Variants in WBP2NL observed in about 807,000 individuals in gnomAD.
WBP2NL encodes postacrosomal sheath WW domain-binding protein.
A neutral mutation model predicts 23.3 loss-of-function variants in WBP2NL; 27 were observed. That is an observed-to-expected ratio of 1.16 (90% CI 0.85 to 1.60). The LOEUF (loss-of-function observed/expected upper bound fraction) is 1.60. WBP2NL is among the 40% of genes most tolerant of loss of function. The pLI is 0.00. For synonymous variants in WBP2NL, 151 were observed against 145.9 expected, an observed-to-expected ratio of 1.03 and a Z score of -0.25; for missense variants, 370 against 389.5, an observed-to-expected ratio of 0.95 and a Z score of 0.42.
At chr22:42,043,276 G>C (rs2146817971) in intron 8 of WBP2NL, among the ~76,000 whole-genome samples, 1 of 152,270 alleles carries the variant, frequency 6.6e-6, no homozygotes, top group Middle Eastern at 3.4e-3. Flanking sequence ...TTGGAGACAA[G>C]AGGTGTGGGG....
At chr22:42,001,765 G>T (rs1921716529) in intron 1 of WBP2NL, 1 of 1,193,430 alleles carries the variant, frequency 8.4e-7, no homozygotes, top group Non-Finnish European at 1.2e-6. Flanking sequence ...CACCAGGACA[G>T]GACTCCGTGC....
At position 42,027,087 on chromosome 22, in the gene WBP2NL, G is replaced by C. The variant is rs1304990180; in HGVS notation, c.836G>C (p.Gly279Ala). The C allele has an allele frequency of 6.2e-7, 1 of 1,614,028 alleles. No individual in the cohort carries two copies. The highest frequency in any genetic ancestry group is 8.5e-7 in the Non-Finnish European group (1 of 1,179,946). The change falls in exon 6 of 6, where the codon GGA becomes GCA. Residue 279 changes from glycine (G) to alanine (A), a missense_variant. Transcript: ENST00000328823. ...PPAGYRASPA[G>A]SGARPQESTA... is the part of the protein sequence containing the mutation. The stretch of plus-strand genomic sequence containing the variant: ...GCGGGATACAGAGCCTCACCTGCTG[G>C]ATCAGGAGCCAGGCCTCAGGAATCT...
rs868125290 is a variant in WBP2NL at position 42,001,953 on chromosome 22, G to T, written c.62+3073G>T. The T allele has an allele frequency of 2.1e-4, 287 of 1,383,896 alleles. 5 individuals are homozygous for T. The Middle Eastern group carries it at 6.3e-3, about 30-fold the overall frequency. The allele number at this position is 1,383,896 out of a possible 1,614,324, so 85.7% of individuals were successfully genotyped here. A position where few individuals can be genotyped will look rare whatever the true frequency, so the allele number is the denominator to read the frequency against. ...CAGGGAGTCCTTGGCGAAGGACACAGCAGCCTCTGTGATGTCGAAAGAGGA... is the reference window on the plus strand; with the variant it reads ...CAGGGAGTCCTTGGCGAAGGACACATCAGCCTCTGTGATGTCGAAAGAGGA... On this transcript the variant is annotated intron_variant, in intron 1 of 5. Transcript: ENST00000328823.
In WBP2NL at chr22:42,050,745, T is replaced by C. The variant is rs374164864; in HGVS notation, c.*274-7545T>C. 3.6e-4 allele frequency among the ~76,000 whole-genome samples: 55 copies of C among 152,124 alleles called. No individual in the cohort carries two copies. In the South Asian group the frequency reaches 0.011, roughly 30 times the overall value. ...GATAAACAGATGGCAAACACACATA[T>C]TAGAAGATGCTGAACATCATATATC... On this transcript the variant is annotated intron_variant and NMD_transcript_variant, in intron 8 of 8. Transcript: ENST00000436265.
intron 8 of WBP2NL, among the ~76,000 whole-genome samples, chr22:42,038,103 A>C (rs902575966): frequency 2.6e-5 from 4 of 152,138 alleles, no homozygotes; most frequent in African/African-American, 9.7e-5. Flanking sequence ...GTGTGATGTT[A>C]GTTGTGGGCA....
At chr22:42,011,144 C>T (rs1270992740) in intron 1 of WBP2NL, among the ~76,000 whole-genome samples, 1 of 152,210 alleles carries the variant, frequency 6.6e-6, no homozygotes, top group Admixed American at 6.5e-5. Flanking sequence ...ATGCTGGCCT[C>T]ATAAAGTAAG....
At chr22:42,042,635 A>G (rs577603401) in intron 8 of WBP2NL, among the ~76,000 whole-genome samples, 59 of 152,316 alleles carry the variant, frequency 3.9e-4, no homozygotes, top group African/African-American at 1.3e-3. Context: ...TGAATTTTTT[A>G]TCAGGCGGTT....
chr22:42,001,832 G>T, intron 1 of WBP2NL: 2 of 1,317,650 alleles, frequency 1.5e-6, no homozygotes, highest in Non-Finnish European at 2.1e-6. Context: ...TATCTGCAGT[G>T]ATCTGCTTGC....
At chr22:42,045,297 C>T (rs779872885) in intron 8 of WBP2NL, among the ~76,000 whole-genome samples, 5 of 151,948 alleles carry the variant, frequency 3.3e-5, no homozygotes, top group African/African-American at 1.2e-4. Flanking sequence ...AAAAATTAGC[C>T]GGGCATGGTG....
chr22:42,055,239 C>T (rs539536714), intron 8 of WBP2NL, among the ~76,000 whole-genome samples: 8 of 152,086 alleles, frequency 5.3e-5, no homozygotes, highest in Non-Finnish European at 1.0e-4. Context: ...TGCAGTGGCG[C>T]GATCTTGGCT....
chr22:42,047,967 A>G (rs1048688234), intron 8 of WBP2NL, among the ~76,000 whole-genome samples: 1 of 152,104 alleles, frequency 6.6e-6, no homozygotes, highest in Non-Finnish European at 1.5e-5. Context: ...GCAGACCAGT[A>G]TCTCTCATAA....
chr22:42,005,380 G>C (rs1411344073), intron 1 of WBP2NL, among the ~76,000 whole-genome samples: 1 of 152,072 alleles, frequency 6.6e-6, no homozygotes, highest in Non-Finnish European at 1.5e-5. Context: ...TGGGGGTGGT[G>C]GTGGGTTCCT....
rs1015609788 is a variant in WBP2NL, at chr22:42,026,913, C to A, written c.662C>A (p.Pro221His). ...RASPVRYGAP[P>H]LGYGAPPAGY... Reference sequence around the variant, plus strand: ...TCACCTGTGCGATATGGAGCCCCACCTCTTGGATACGGAGCCCCACCTGCA... The same window carrying A: ...TCACCTGTGCGATATGGAGCCCCACATCTTGGATACGGAGCCCCACCTGCA... The change falls in exon 6 of 6, where the codon CCT (proline) becomes CAT (histidine). Residue 221 changes from proline (P) to histidine (H), a missense_variant. Transcript: ENST00000328823. 6.2e-7 allele frequency: 1 copy of A among 1,611,814 alleles called. No homozygotes were observed. The highest frequency in any genetic ancestry group is 1.7e-5 in the Admixed American group (1 of 59,820).
At chr22:42,013,060 G>A (rs897182201) in intron 1 of WBP2NL, among the ~76,000 whole-genome samples, 1 of 151,190 alleles carries the variant, frequency 6.6e-6, no homozygotes, top group African/African-American at 2.4e-5. Context: ...TTTCCTTTTG[G>A]CCTCCATGAT....
intron 2 of WBP2NL, 121 bp from the exon 3 acceptor site, chr22:42,019,541 T>TG (rs1923683900): frequency 2.6e-6 from 4 of 1,528,138 alleles, no homozygotes; most frequent in Non-Finnish European, 3.6e-6. Flanking sequence ...TTTTCCACAC[T>TG]GAAGGGTGGT....
downstream of WBP2NL, chr22:42,030,771 G>GC (rs1911579326): frequency 6.6e-6 from 1 of 152,276 alleles, no homozygotes; most frequent in South Asian, 2.1e-4. Flanking sequence ...ACCAACTAGA[G>GC]CAGGGATAAG....
At chr22:42,026,567 A>G (rs1055475142) in intron 5 of WBP2NL, among the ~76,000 whole-genome samples, 199 bp from the exon 6 acceptor site, 6 of 152,250 alleles carry the variant, frequency 3.9e-5, no homozygotes, top group Middle Eastern at 3.4e-3. Flanking sequence ...GGTTGTTTTC[A>G]TGTTGATTTG....
chr22:42,001,887 G>T, intron 1 of WBP2NL: 1 of 1,473,706 alleles, frequency 6.8e-7, no homozygotes, highest in South Asian at 1.5e-5. Flanking sequence ...CTCGATGGGT[G>T]CTACCGCCAT....
At chr22:41,999,224 G>C (rs1921294068) in intron 1 of WBP2NL, among the ~76,000 whole-genome samples, 1 of 152,258 alleles carries the variant, frequency 6.6e-6, no homozygotes, top group Admixed American at 6.5e-5. Context: ...CGGCGGTTGT[G>C]AGCAGCCGGG....
Sources: allele counts gnomAD v4.1 joint callset (sites outside exome capture counted in the v4.1 genomes callset), GRCh38; gene constraint gnomAD v4.1.1; transcripts MANE v1.5; gene names NCBI Gene and HGNC (gene_info 2026-07-23, HGNC 2026-07-21).